The following ARHGEF10L variants were observed in gnomAD, a reference collection of about 807,000 sequenced individuals.
The protein encoded by ARHGEF10L is rho guanine nucleotide exchange factor 10-like protein.
A neutral mutation model predicts 141.2 loss-of-function variants in ARHGEF10L; 69 were observed. That is an observed-to-expected ratio of 0.49 (90% confidence interval 0.40 to 0.60). The LOEUF (loss-of-function observed/expected upper bound fraction) is 0.60, where lower values mean the gene tolerates loss of function less well. ARHGEF10L is among the 20% of genes least tolerant of loss of function. ARHGEF10L has a pLI of 0.00. For missense variants in ARHGEF10L, 1,482 were observed against 1,734.3 expected, an observed-to-expected ratio of 0.85 and a Z score of 2.58; for synonymous variants, 711 against 718.5, an observed-to-expected ratio of 0.99 and a Z score of 0.17.
the ARHGEF10L span, among the ~76,000 whole-genome samples, chr1:17,513,782 A>G: frequency 4.9e-3 from 745 of 152,250 alleles, 5 homozygotes; most frequent in African/African-American, 0.016. Context: ...CAGATGTTAC[A>G]TGGAAATTCT....
At chr1:17,527,293 G>A in the ARHGEF10L span, among the ~76,000 whole-genome samples, 1 of 152,216 alleles carries the variant, frequency 6.6e-6, no homozygotes, top group Admixed American at 6.5e-5. Flanking sequence ...TCATGTGGTC[G>A]GAGGATTTGT....
At chr1:17,686,645 C>T (rs909244833) in intron 26 of ARHGEF10L, among the ~76,000 whole-genome samples, 1 of 152,128 alleles carries the variant, frequency 6.6e-6, no homozygotes, top group African/African-American at 2.4e-5. Flanking sequence ...AGGGGTGCGG[C>T]TGTGTGGTAC....
intron 27 of ARHGEF10L, among the ~76,000 whole-genome samples, chr1:17,691,473 TGCCCTGGGG>T (rs1465520794): frequency 5.9e-5 from 9 of 152,122 alleles, no homozygotes; most frequent in Non-Finnish European, 1.2e-4. Flanking sequence ...CCGGTCTCCA[TGCCCTGGGG>T]GTCTTGGAGA....
At chr1:17,666,911 T>G (rs1352284154) in intron 26 of ARHGEF10L, among the ~76,000 whole-genome samples, 1 of 139,334 alleles carries the variant, frequency 7.2e-6, no homozygotes, top group African/African-American at 2.7e-5. Context: ...TTCCTTGGCC[T>G]TCTGAGAGGA....
upstream of ARHGEF10L, among the ~76,000 whole-genome samples, chr1:17,534,953 G>T (rs2076554160): frequency 6.6e-6 from 1 of 152,112 alleles, no homozygotes; most frequent in Non-Finnish European, 1.5e-5. Context: ...CTGGTTTCGG[G>T]GATGTGGAAG....
intron 21 of ARHGEF10L, among the ~76,000 whole-genome samples, chr1:17,645,956 A>G (rs1034355799): frequency 4.6e-5 from 7 of 152,234 alleles, no homozygotes; most frequent in African/African-American, 1.7e-4. Flanking sequence ...CCTTTCCCTG[A>G]GGGTCTCTTA....
chr1:17,656,739 G>T lies in ARHGEF10L; in HGVS notation c.2860+31G>T, dbSNP rs970436420. 12 of 1,598,972 alleles carry T rather than the reference G, an allele frequency of 7.5e-6. No individual in the cohort carries two copies. The highest frequency in any genetic ancestry group is 1.0e-5 in the Non-Finnish European group (12 of 1,171,108). ...GACTGGGGGGAATGGGGGAAGGGGGGCAGTCCTGGATGCCAGCTGGGTGCC... is the reference window on the plus strand; with the variant it reads ...GACTGGGGGGAATGGGGGAAGGGGGTCAGTCCTGGATGCCAGCTGGGTGCC... On this transcript the variant is annotated intron_variant, in intron 25 of 28. Transcript: ENST00000361221. The surrounding 1 kb of genome is among the most constrained non-coding windows in gnomAD (Gnocchi z 4.9).
At chr1:17,570,803 G>A (rs929295268) in intron 1 of ARHGEF10L, among the ~76,000 whole-genome samples, 4 of 152,036 alleles carry the variant, frequency 2.6e-5, no homozygotes, top group South Asian at 2.1e-4. Flanking sequence ...GATTCTGGGC[G>A]TATGTTGAAG....
In ARHGEF10L at chr1:17,611,533, T is replaced by TATCCATCCATCCATCC. The variant is rs56751222; in HGVS notation, c.610-1495_610-1480dup. Among the ~76,000 whole-genome samples the TATCCATCCATCCATCC allele has an allele frequency of 1.1e-4, 17 of 150,772 alleles. No individual in the cohort carries two copies. The East Asian group carries it at 1.6e-3, about 14-fold the overall frequency. On this transcript the variant is annotated intron_variant, in intron 7 of 28. Transcript: ENST00000361221. ...ATCACAGGTGCCTCATCTGTCTGTATATCCATCCATCCATCCATCCATCCA... is the reference window on the plus strand; with the variant it reads ...ATCACAGGTGCCTCATCTGTCTGTATATCCATCCATCCATCCATCCATCCATCCATCCATCCATCCA...
At chr1:17,624,713 T>C (rs2060287430) in intron 13 of ARHGEF10L, among the ~76,000 whole-genome samples, 1 of 152,192 alleles carries the variant, frequency 6.6e-6, no homozygotes, top group Non-Finnish European at 1.5e-5. Flanking sequence ...TGTAAGCAAC[T>C]GGGATCCTGG....
intron 4 of ARHGEF10L, among the ~76,000 whole-genome samples, chr1:17,588,925 G>A (rs1166893782): frequency 7.4e-6 from 1 of 135,424 alleles, no homozygotes; most frequent in Admixed American, 7.3e-5. Context: ...GGGGGTTTGA[G>A]GGTGGGGGGG....
intron 1 of ARHGEF10L, among the ~76,000 whole-genome samples, chr1:17,577,078 C>G (rs2078252705): frequency 6.6e-6 from 1 of 152,252 alleles, no homozygotes; most frequent in African/African-American, 2.4e-5. Context: ...CAGTCTTGCT[C>G]TGTCGCCTAG....
At chr1:17,526,421 T>A in the ARHGEF10L span, among the ~76,000 whole-genome samples, 1 of 152,162 alleles carries the variant, frequency 6.6e-6, no homozygotes, top group Non-Finnish European at 1.5e-5. Flanking sequence ...TTGGTCAGAG[T>A]TGGGTTCAGA....
chr1:17,567,331 G>A (rs2077798752), intron 1 of ARHGEF10L, among the ~76,000 whole-genome samples: 1 of 152,202 alleles, frequency 6.6e-6, no homozygotes, highest in South Asian at 2.1e-4. Context: ...GATCATTGAA[G>A]GTTTGCTGCC....
At chr1:17,572,273 C>T in intron 1 of ARHGEF10L, among the ~76,000 whole-genome samples, 1 of 152,222 alleles carries the variant, frequency 6.6e-6, no homozygotes, top group East Asian at 1.9e-4. Flanking sequence ...GGACGCCCTC[C>T]TCAGCCCCCT....
chr1:17,569,266 A>C (rs925638109), intron 1 of ARHGEF10L, among the ~76,000 whole-genome samples: 2 of 152,192 alleles, frequency 1.3e-5, no homozygotes, highest in African/African-American at 4.8e-5. Flanking sequence ...GTGCCCCAGA[A>C]CAGCTGGAAC....
chr1:17,602,856 G>T (rs2100953372), intron 5 of ARHGEF10L, among the ~76,000 whole-genome samples: 1 of 150,026 alleles, frequency 6.7e-6, no homozygotes, highest in South Asian at 2.1e-4. Context: ...CAGTGTAGGA[G>T]ACCAGGTGGG....
rs767319780 is a variant in ARHGEF10L at position 17,697,214 on chromosome 1, C to A, written c.3674C>A (p.Pro1225His). Residue 1225 changes from proline (P) to histidine (H), a missense_variant, in exon 29 of 29, where the codon CCC becomes CAC. Coordinates refer to ENST00000361221, the MANE Select transcript of ARHGEF10L (RefSeq NM_018125.4). The surrounding 1 kb of genome is among the most constrained non-coding windows in gnomAD (Gnocchi z 4.8). ...DDPDIWVRSR[P>H]CARDAHRKEI... ...CCCGACATCTGGGTGCGCAGCCGGC[C>A]CTGCGCCCGCGACGCCCACCGCAAG... 14 of 1,611,994 alleles carry A rather than the reference C, an allele frequency of 8.7e-6. No individual in the cohort carries two copies. In the African/African-American group the frequency reaches 1.9e-4, roughly 22 times the overall value.
intron 2 of ARHGEF10L, among the ~76,000 whole-genome samples, chr1:17,581,684 G>A (rs1266581713): frequency 6.6e-6 from 1 of 152,168 alleles, no homozygotes; most frequent in Non-Finnish European, 1.5e-5. Context: ...CAGTAAACAT[G>A]GGGACAATGA....
Sources: allele counts gnomAD v4.1 joint callset (sites outside exome capture counted in the v4.1 genomes callset), GRCh38; gene constraint gnomAD v4.1.1; non-coding constraint Gnocchi (gnomAD v3.1); transcripts MANE v1.5; gene names NCBI Gene and HGNC (gene_info 2026-07-23, HGNC 2026-07-21).